The following TBC1D31 variants were observed in gnomAD, a reference collection of about 807,000 sequenced individuals.
TBC1D31 encodes TBC1 domain family member 31.
TBC1D31 carries 99 observed loss-of-function variants against 132.9 expected under a neutral mutation model. The observed-to-expected ratio is 0.74, with a 90% CI of 0.63 to 0.88. TBC1D31 has a LOEUF of 0.88. TBC1D31 is among the 40% of genes least tolerant of loss of function. The pLI, the probability that TBC1D31 is intolerant of heterozygous loss-of-function variation, is 0.00. For missense variants in TBC1D31, 1,134 were observed against 1,256.6 expected, an observed-to-expected ratio of 0.90 and a Z score of 1.48; for synonymous variants, 385 against 419.4, an observed-to-expected ratio of 0.92 and a Z score of 1.00.
chr8:123,126,240 A>T (rs781757779), intron 12 of TBC1D31, 51 bp downstream of exon 12: 2 of 1,574,218 alleles, frequency 1.3e-6, no homozygotes, highest in Admixed American at 3.7e-5. Flanking sequence ...GTAAGCTAAC[A>T]TTGGTTCTGG....
At chr8:123,121,484 G>A (rs563011904) in intron 11 of TBC1D31, among the ~76,000 whole-genome samples, 346 of 152,276 alleles carry the variant, frequency 2.3e-3, no homozygotes, top group African/African-American at 7.3e-3. Context: ...TGGACCATGA[G>A]GGTGAATCAT....
At chr8:123,075,896 C>T (rs994676515) in intron 1 of TBC1D31, among the ~76,000 whole-genome samples, 2 of 152,032 alleles carry the variant, frequency 1.3e-5, no homozygotes, top group African/African-American at 4.8e-5. Context: ...TCAACAGATA[C>T]AGGGTATATA....
intron 17 of TBC1D31, among the ~76,000 whole-genome samples, chr8:123,137,439 T>C (rs1378571258): frequency 2.0e-5 from 3 of 152,200 alleles, no homozygotes; most frequent in Non-Finnish European, 4.4e-5. Context: ...GGAATACAGA[T>C]TAAAATCAGT....
In TBC1D31 at chr8:123,126,508, C is replaced by T; in HGVS notation, c.1705C>T (p.Leu569=). The change falls in exon 13 of 22, where the codon CTA becomes TTA. Residue 569 remains leucine, a splice_region_variant and synonymous_variant. Transcript: ENST00000287380. ...HFIDHDITSQ[L]YAWPLLETVF... ...ATAAATTTTTCCTTATCTGTTTTAGCTATATGCATGGCCTCTTCTTGAAAC... is the reference window on the plus strand; with the variant it reads ...ATAAATTTTTCCTTATCTGTTTTAGTTATATGCATGGCCTCTTCTTGAAAC... 6.2e-7 allele frequency: 1 copy of T among 1,612,736 alleles called. No individual in the cohort carries two copies. The highest frequency in any genetic ancestry group is 8.5e-7 in the Non-Finnish European group (1 of 1,179,544).
chr8:123,138,000 C>T (rs1821263077), intron 17 of TBC1D31, among the ~76,000 whole-genome samples: 1 of 152,156 alleles, frequency 6.6e-6, no homozygotes, highest in African/African-American at 2.4e-5. Context: ...TTTTAAAAAG[C>T]TAATGGACAA....
chr8:123,077,947 C>G (rs566738748), intron 2 of TBC1D31, among the ~76,000 whole-genome samples: 2 of 151,860 alleles, frequency 1.3e-5, no homozygotes, highest in East Asian at 3.9e-4. Context: ...ATTTGGGAGG[C>G]TGAGACAAGA....
intron 7 of TBC1D31, chr8:123,101,228 G>C: frequency 2.2e-6 from 1 of 445,682 alleles, no homozygotes; most frequent in Non-Finnish European, 4.1e-6. Context: ...ATCTCCGTTT[G>C]ATGTCTCTCA....
chr8:123,124,949 A>G (rs1037092634), intron 11 of TBC1D31, among the ~76,000 whole-genome samples: 3 of 151,822 alleles, frequency 2.0e-5, no homozygotes, highest in Admixed American at 6.6e-5. Context: ...AAAAAAAAAA[A>G]AAAAAAATTA....
the TBC1D31 span, among the ~76,000 whole-genome samples, chr8:123,158,127 C>G: frequency 5.9e-5 from 9 of 151,268 alleles, no homozygotes; most frequent in Admixed American, 3.3e-4. Context: ...CTTTCACTCC[C>G]CTCCCCTTCC....
rs1563704595 is a variant in TBC1D31 at position 123,105,457 on chromosome 8, G to A, written c.1202G>A (p.Ser401Asn). 6.2e-7 allele frequency: 1 copy of A among 1,607,122 alleles called. No individual in the cohort carries two copies. The part of the protein sequence containing the change: ...LKQDLTGDFE[S>N]KKNELPDGLN... ...CAAGACCTGACTGGTGATTTTGAAA[G>A]TAAAAAGGTAAGAATATTTGGTAAT... Residue 401 changes from serine to asparagine, a missense_variant, in exon 8 of 22, where the codon AGT becomes AAT. Transcript: ENST00000287380.
At chr8:123,102,702 C>T (rs994715854) in intron 7 of TBC1D31, 2 of 156,038 alleles carry the variant, frequency 1.3e-5, no homozygotes, top group Non-Finnish European at 2.8e-5. Context: ...ATTTGAGTCA[C>T]CAGATACCCT....
intron 4 of TBC1D31, among the ~76,000 whole-genome samples, chr8:123,084,954 T>A (rs1287586162): frequency 1.3e-5 from 2 of 152,130 alleles, no homozygotes; most frequent in African/African-American, 4.8e-5. Flanking sequence ...CATGCCCAGC[T>A]AATTTTTGTA....
chr8:123,090,798 A>G (rs1365173874), intron 4 of TBC1D31, among the ~76,000 whole-genome samples: 1 of 151,978 alleles, frequency 6.6e-6, no homozygotes, highest in Non-Finnish European at 1.5e-5. Flanking sequence ...TAAAATATAC[A>G]AAAAATTAGC....
intron 16 of TBC1D31, among the ~76,000 whole-genome samples, chr8:123,132,849 G>T (rs370288161): frequency 1.0e-3 from 159 of 152,254 alleles, no homozygotes; most frequent in African/African-American, 3.1e-3. Context: ...TCTAGTGAAT[G>T]ACATTGATAT....
intron 11 of TBC1D31, chr8:123,123,018 A>G (rs1316534561): frequency 6.6e-6 from 1 of 152,294 alleles, no homozygotes; most frequent in Non-Finnish European, 1.5e-5. Context: ...TTTCACGGCC[A>G]TTGCAGTACC....
At position 123,144,808 on chromosome 8, in the gene TBC1D31, A is replaced by G. The variant is rs143426083; in HGVS notation, c.2927A>G (p.Gln976Arg). The G allele has an allele frequency of 2.4e-5, 38 of 1,613,850 alleles. No homozygotes were observed. The highest frequency in any genetic ancestry group is 3.1e-5 in the Non-Finnish European group (36 of 1,179,998). Residue 976 changes from glutamine to arginine, a missense_variant, in exon 20 of 22, where the codon CAA becomes CGA. By Grantham distance (43) the Gln-to-Arg change is conservative. Transcript: ENST00000287380. ...SDASRKWFLKQEINAAVEHAE... is the reference protein window; with the variant it reads ...SDASRKWFLKREINAAVEHAE... ...GCGTCTAGAAAGTGGTTTTTAAAGC[A>G]AGAGATAAATGCGGCTGTAGAACAT...
chr8:123,142,513 T>TA (rs397971823), intron 19 of TBC1D31, 57 bp downstream of exon 19: 4 of 1,204,954 alleles, frequency 3.3e-6, no homozygotes, highest in Non-Finnish European at 4.4e-6. Context: ...TTTTTTTTTT[T>TA]AAAAGACAGA....
In TBC1D31 at chr8:123,140,713, C is replaced by T. The variant is rs756632709; in HGVS notation, c.2500-48C>T. The stretch of plus-strand genomic sequence containing the variant: ...TTCTGAAAAAAGTCATTTTTGTATT[C>T]TAGCGTTATATAAATTAGTGATTTT... On this transcript the variant is annotated intron_variant, in intron 17 of 21. Transcript: ENST00000287380. 2.0e-6 allele frequency: 3 copies of T among 1,465,692 alleles called. No individual in the cohort carries two copies. In the South Asian group the frequency reaches 3.6e-5, roughly 18 times the overall value. 90.8% of individuals were successfully genotyped at this position (1,465,692 alleles called of 1,614,324 possible). A position where few individuals can be genotyped will look rare whatever the true frequency, so the allele number is the denominator to read the frequency against.
chr8:123,122,061 G>T (rs1352182178), intron 11 of TBC1D31, among the ~76,000 whole-genome samples: 2 of 152,190 alleles, frequency 1.3e-5, no homozygotes, highest in African/African-American at 4.8e-5. Flanking sequence ...GAGGATGTGG[G>T]AAAATTGGGA....
Sources: allele counts gnomAD v4.1 joint callset (sites outside exome capture counted in the v4.1 genomes callset), GRCh38; gene constraint gnomAD v4.1.1; transcripts MANE v1.5; gene names NCBI Gene and HGNC (gene_info 2026-07-23, HGNC 2026-07-21).